RHD: variants seen among roughly 807,000 people sequenced by gnomAD.
The protein encoded by RHD is blood group Rh(D) polypeptide.
RHD carries 16 observed loss-of-function variants against 45.5 expected under a neutral mutation model. That is an observed-to-expected ratio of 0.35 (90% confidence interval 0.24 to 0.53). RHD has a LOEUF of 0.53. Ranked by LOEUF, RHD falls within the 20% of genes least tolerant of loss-of-function variation. The probability of loss-of-function intolerance (pLI) is 0.92; values close to 1 mark genes in which losing one functional copy is unlikely to be tolerated. For missense variants in RHD, 306 were observed against 532.0 expected, an observed-to-expected ratio of 0.58 and a Z score of 4.18; for synonymous variants, 131 against 217.5, an observed-to-expected ratio of 0.60 and a Z score of 3.50.
intron 6 of RHD, among the ~76,000 whole-genome samples, chr1:25,303,798 G>T (rs1449579526): frequency 7.6e-6 from 1 of 130,934 alleles, no homozygotes. Context: ...CTGAATATCT[G>T]CTTTATTCTT....
At position 25,312,104 on chromosome 1, in the gene RHD, C is replaced by A. The variant is rs1198767128; in HGVS notation, c.1074-4896C>A. ...GCAAAACCACAGGGGCAGAGCTCCC[C>A]GAAGCTTCGGGGGTCCAAATTCCAT... is the stretch of plus-strand genomic sequence containing the variant. On this transcript the variant is annotated intron_variant, in intron 7 of 9. Transcript: ENST00000328664. 3.1e-5 allele frequency among the ~76,000 whole-genome samples: 3 copies of A among 97,130 alleles called. No individual in the cohort carries two copies. In the East Asian group the frequency reaches 6.5e-4, roughly 21 times the overall value. The allele number at this position is 97,130 out of a possible 152,430, so 63.7% of individuals were successfully genotyped here.
rs554754151 is a variant in RHD, at chr1:25,291,341, C to T, written c.486+550C>T. Among the ~76,000 whole-genome samples the T allele has an allele frequency of 3.8e-4, 50 of 130,760 alleles. 3 individuals are homozygous for T. The East Asian group carries it at 5.5e-3, about 14-fold the overall frequency. The allele number at this position is 130,760 out of a possible 152,430, so 85.8% of individuals were successfully genotyped here. ...AAATTTAGCTGGGCATGGTGGCAGG[C>T]GCCTGTAATCCCAGCTACTCAGGAG... is the stretch of plus-strand genomic sequence containing the variant. On this transcript the variant is annotated intron_variant, in intron 3 of 9. Coordinates refer to ENST00000328664, the MANE Select transcript of RHD (RefSeq NM_016124.6).
chr1:25,287,471 CGG>C (rs1226893083), intron 2 of RHD, among the ~76,000 whole-genome samples: 4 of 135,108 alleles, frequency 3.0e-5, no homozygotes, highest in Non-Finnish European at 7.0e-5. Flanking sequence ...CCTTCCTGAC[CGG>C]TTCCCGTCAG....
rs140150771 is a variant in RHD, at chr1:25,301,002, G to C, written c.543G>C (p.Leu181=). The C allele has an allele frequency of 6.5e-6, 9 of 1,375,988 alleles. 2 individuals are homozygous for C. The African/African-American group carries it at 1.3e-4, about 20-fold the overall frequency. 85.2% of individuals were successfully genotyped at this position (1,375,988 alleles called of 1,614,324 possible). Residue 181 remains leucine (L), a synonymous_variant, in exon 4 of 10, where the codon CTG becomes CTC. Coordinates refer to ENST00000328664, the MANE Select transcript of RHD (RefSeq NM_016124.6). The part of the protein sequence containing the change: ...HIYVFAAYFG[L]SVAWCLPKPL... ...ACGTGTTCGCAGCCTATTTTGGGCTGTCTGTGGCCTGGTGCCTGCCAAAGC... is the reference window on the plus strand; with the variant it reads ...ACGTGTTCGCAGCCTATTTTGGGCTCTCTGTGGCCTGGTGCCTGCCAAAGC...
chr1:25,285,345 G>T lies in RHD; in HGVS notation c.335+586G>T, dbSNP rs530977330. Among the ~76,000 whole-genome samples the T allele has an allele frequency of 1.3e-3, 170 of 134,150 alleles. 27 individuals carry two copies. Among genetic ancestry groups the T allele is most frequent in the African/African-American group, 4.1e-3 (160 of 38,724 alleles). 88.0% of individuals were successfully genotyped at this position (134,150 alleles called of 152,430 possible). ...GATAGGGTTTCTCCGTGTTGGTCAG[G>T]CTAGTCTCAAACTCCTGACCTCAGG... On this transcript the variant is annotated intron_variant, in intron 2 of 9. Coordinates refer to ENST00000328664, the MANE Select transcript of RHD (RefSeq NM_016124.6).
chr1:25,324,558 T>G (rs1291253677), intron 9 of RHD, among the ~76,000 whole-genome samples: 2 of 152,146 alleles, frequency 1.3e-5, no homozygotes, highest in Non-Finnish European at 2.9e-5. Context: ...AGTGAGGTAA[T>G]AATGTCTGTA....
At chr1:25,307,478 G>A (rs1643909582) in intron 7 of RHD, among the ~76,000 whole-genome samples, 1 of 132,592 alleles carries the variant, frequency 7.5e-6, no homozygotes, top group African/African-American at 2.6e-5. Flanking sequence ...GTAGCATGAT[G>A]ATAATCATAT....
Position 25,318,721 on chromosome 1 carries a change from C to T in RHD, c.1153+1642C>T, listed in dbSNP as rs185127067. On this transcript the variant is annotated intron_variant, in intron 8 of 9. Transcript: ENST00000328664. ...TGAATGCCAAATAAGAGACAAATGG[C>T]GTAAGACACTATGAGTTGTGTGACG... Among the ~76,000 whole-genome samples the T allele has an allele frequency of 2.4e-3, 315 of 132,962 alleles. 44 individuals carry two copies. The highest frequency in any genetic ancestry group is 7.4e-3 in the African/African-American group (289 of 39,096). The allele number at this position is 132,962 out of a possible 152,430, so 87.2% of individuals were successfully genotyped here.
At chr1:25,278,916 A>G (rs1641241458) in intron 1 of RHD, among the ~76,000 whole-genome samples, 1 of 128,936 alleles carries the variant, frequency 7.8e-6, no homozygotes. Flanking sequence ...CTGAGGCTGC[A>G]GTGGTCTTTC....
chr1:25,299,238 C>T (rs1298182108), intron 3 of RHD, among the ~76,000 whole-genome samples: 10 of 128,812 alleles, frequency 7.8e-5, no homozygotes, highest in South Asian at 2.4e-4. Flanking sequence ...AAAAATTAGC[C>T]GGGCACGGTG....
In RHD at chr1:25,318,698, A is replaced by G. The variant is rs111463253; in HGVS notation, c.1153+1619A>G. On this transcript the variant is annotated intron_variant, in intron 8 of 9. Transcript: ENST00000328664. Reference sequence around the variant, plus strand: ...TATATGTGTCCCTAAGCAGGAGGTGAATGCCAAATAAGAGACAAATGGCGT... The same window carrying G: ...TATATGTGTCCCTAAGCAGGAGGTGGATGCCAAATAAGAGACAAATGGCGT... Among the ~76,000 whole-genome samples the G allele has an allele frequency of 1.1e-4, 15 of 133,186 alleles. 3 individuals carry two copies. Among genetic ancestry groups the G allele is most frequent in the African/African-American group, 2.5e-4 (10 of 39,222 alleles). The allele number at this position is 133,186 out of a possible 152,430, so 87.4% of individuals were successfully genotyped here.
rs1254649459 is a variant in RHD, at chr1:25,310,707, C to G, written c.1073+3978C>G. Among the ~76,000 whole-genome samples, 13 of 132,716 alleles carry G rather than the reference C, an allele frequency of 9.8e-5. 3 individuals are homozygous for G. Among genetic ancestry groups the G allele is most frequent in the African/African-American group, 3.3e-4 (13 of 39,368 alleles). The allele number at this position is 132,716 out of a possible 152,430, so 87.1% of individuals were successfully genotyped here. A position where few individuals can be genotyped will look rare whatever the true frequency, so the allele number is the denominator to read the frequency against. ...GAGCATTATGCCAGGCACGGTGTCT[C>G]AGGCTTATAATCCCAGCACTTTGGG... On this transcript the variant is annotated intron_variant, in intron 7 of 9. Coordinates refer to ENST00000328664, the MANE Select transcript of RHD (RefSeq NM_016124.6).
intron 2 of RHD, among the ~76,000 whole-genome samples, chr1:25,287,195 G>A (rs1173953474): frequency 4.4e-5 from 6 of 135,482 alleles, no homozygotes; most frequent in East Asian, 3.9e-4. Context: ...CACCTGGGAA[G>A]TGACAAAGGG....
At chr1:25,312,957 T>TAAAAAAAAAAAAAAAAAAAA (rs1491188755) in intron 7 of RHD, among the ~76,000 whole-genome samples, 1 of 24,412 alleles carries the variant, frequency 4.1e-5, no homozygotes, top group African/African-American at 8.0e-5. Flanking sequence ...AAAAAAAAAC[T>TAAAAAAAAAAAAAAAAAAAA]TTAGTGCTAT....
At chr1:25,279,501 G>C (rs1396530855) in intron 1 of RHD, among the ~76,000 whole-genome samples, 1 of 125,042 alleles carries the variant, frequency 8.0e-6, no homozygotes, top group Non-Finnish European at 1.9e-5. Context: ...GGTAGGGTTT[G>C]AATCCTCCTG....
At position 25,293,078 on chromosome 1, in the gene RHD, G is replaced by A. The variant is rs56818965; in HGVS notation, c.486+2287G>A. 0.014 allele frequency among the ~76,000 whole-genome samples: 1,890 copies of A among 131,602 alleles called. 304 individuals carry two copies. The East Asian group carries it at 0.24, about 17-fold the overall frequency. 86.3% of individuals were successfully genotyped at this position (131,602 alleles called of 152,430 possible). ...CCAGGAGACCTTGGCATGCATGGTTGTAGAGGAGGATGAAGGCAACAGCCT... is the reference window on the plus strand; with the variant it reads ...CCAGGAGACCTTGGCATGCATGGTTATAGAGGAGGATGAAGGCAACAGCCT... On this transcript the variant is annotated intron_variant, in intron 3 of 9. Coordinates refer to ENST00000328664, the MANE Select transcript of RHD (RefSeq NM_016124.6).
chr1:25,293,998 C>A (rs1571638814), intron 3 of RHD, among the ~76,000 whole-genome samples: 2 of 132,080 alleles, frequency 1.5e-5, no homozygotes, highest in African/African-American at 5.2e-5. Flanking sequence ...TCCTCTCAAA[C>A]CTTTTCCTCA....
intron 6 of RHD, chr1:25,304,678 C>T (rs1343237825): frequency 7.7e-6 from 1 of 130,016 alleles, no homozygotes; most frequent in Non-Finnish European, 1.8e-5. Context: ...TTTGCAGCAA[C>T]ATGGATGGAA....
rs544464554 is a variant in RHD at position 25,289,874 on chromosome 1, A to C, written c.336-767A>C. On this transcript the variant is annotated intron_variant, in intron 2 of 9. Transcript: ENST00000328664. The stretch of plus-strand genomic sequence containing the variant: ...ATCTTCAAGACCAAAATAATTTTCT[A>C]CTCCTGAGCATGCTCATTGGTCAAA... Among the ~76,000 whole-genome samples, 95 of 123,940 alleles carry C rather than the reference A, an allele frequency of 7.7e-4. 16 individuals are homozygous for C. Among genetic ancestry groups the C allele is most frequent in the Middle Eastern group, 4.3e-3 (1 of 230 alleles). 81.3% of individuals were successfully genotyped at this position (123,940 alleles called of 152,430 possible).
Sources: allele counts gnomAD v4.1 joint callset (sites outside exome capture counted in the v4.1 genomes callset), GRCh38; gene constraint gnomAD v4.1.1; transcripts MANE v1.5; gene names NCBI Gene and HGNC (gene_info 2026-07-23, HGNC 2026-07-21).